The following EDARADD variants were observed in gnomAD, a reference collection of about 807,000 sequenced individuals.
EDARADD encodes the protein ectodysplasin-A receptor-associated adapter protein.
A neutral mutation model predicts 25.6 loss-of-function variants in EDARADD; 20 were observed. The observed-to-expected ratio is 0.78, with a 90% CI of 0.55 to 1.14. The LOEUF (loss-of-function observed/expected upper bound fraction) is 1.14, where lower values mean the gene tolerates loss of function less well. EDARADD is among the 50% of genes most tolerant of loss of function. The probability of loss-of-function intolerance (pLI) is 0.00; values close to 1 mark genes in which losing one functional copy is unlikely to be tolerated. For missense variants in EDARADD, 225 were observed against 270.1 expected, an observed-to-expected ratio of 0.83 and a Z score of 1.17; for synonymous variants, 86 against 94.4, an observed-to-expected ratio of 0.91 and a Z score of 0.52.
At chr1:236,452,524 G>A (rs1237525264) in intron 4 of EDARADD, among the ~76,000 whole-genome samples, 1 of 151,556 alleles carries the variant, frequency 6.6e-6, no homozygotes, top group Non-Finnish European at 1.5e-5. Flanking sequence ...CTTTCTTACT[G>A]CCATGTAAGA....
chr1:236,446,504 A>G (rs1441405607), intron 4 of EDARADD, among the ~76,000 whole-genome samples: 1 of 152,038 alleles, frequency 6.6e-6, no homozygotes, highest in Non-Finnish European at 1.5e-5. Flanking sequence ...GTGAGCCGAG[A>G]TCGCACCACT....
At position 236,482,451 on chromosome 1, in the gene EDARADD, T is replaced by C. The variant is rs369614195; in HGVS notation, c.450T>C (p.Tyr150=). Reference sequence around the variant, plus strand: ...TTGCAAGCAAATGGGGGATGTCCTATGACGAATTGTGCTTCCTGGAGCAGA... The same window carrying C: ...TTGCAAGCAAATGGGGGATGTCCTACGACGAATTGTGCTTCCTGGAGCAGA... ...RNFASKWGMS[Y]DELCFLEQRP... Residue 150 remains tyrosine, a synonymous_variant, in exon 6 of 6, where the codon TAT becomes TAC. Transcript: ENST00000334232. 3 of 1,614,098 alleles carry C rather than the reference T, an allele frequency of 1.9e-6. No homozygotes were observed. The highest frequency in any genetic ancestry group is 1.7e-6 in the Non-Finnish European group (2 of 1,180,058).
Position 236,484,376 on chromosome 1 carries a change from G to A in EDARADD, c.*1727G>A. On this transcript the variant is annotated 3_prime_UTR_variant, in exon 6 of 6. Coordinates refer to ENST00000334232, the MANE Select transcript of EDARADD (RefSeq NM_145861.4). This position sits in a 1 kb window ranked among gnomAD's most constrained non-coding sequence, Gnocchi z 4.1. ...GTGCCCCTTGCTGATCTGAGCGCTTGGCCAAGTACAACCAGCTCCTCAGAA... is the reference window on the plus strand; with the variant it reads ...GTGCCCCTTGCTGATCTGAGCGCTTAGCCAAGTACAACCAGCTCCTCAGAA... The A allele has an allele frequency of 6.3e-7, 1 of 1,588,502 alleles. No individual in the cohort carries two copies. The highest frequency in any genetic ancestry group is 8.6e-7 in the Non-Finnish European group (1 of 1,157,576).
intron 3 of EDARADD, among the ~76,000 whole-genome samples, chr1:236,368,984 A>G (rs772629261): frequency 2.0e-5 from 3 of 152,100 alleles, no homozygotes; most frequent in Non-Finnish European, 4.4e-5. Context: ...TTTTAGAGAC[A>G]GAGTCTTGCT....
chr1:236,475,277 A>G (rs1292295327), intron 5 of EDARADD, among the ~76,000 whole-genome samples: 1 of 152,222 alleles, frequency 6.6e-6, no homozygotes, highest in East Asian at 1.9e-4. Flanking sequence ...CCTTTCATGT[A>G]TAATATATAT....
intron 4 of EDARADD, among the ~76,000 whole-genome samples, chr1:236,455,882 C>T (rs530981363): frequency 3.3e-5 from 5 of 151,938 alleles, no homozygotes; most frequent in South Asian, 2.1e-4. Flanking sequence ...CTCTGCCTCC[C>T]GGGTTCACGC....
At position 236,445,234 on chromosome 1, in the gene EDARADD, C is replaced by CTTTTTTTTTTTTTTCTTT. The variant is rs61333307; in HGVS notation, c.219+17795_219+17796insTTTCTTTTTTTTTTTTTT. Among the ~76,000 whole-genome samples the CTTTTTTTTTTTTTTCTTT allele has an allele frequency of 2.2e-5, 2 of 89,698 alleles. 1 individual carries two copies. Among genetic ancestry groups the CTTTTTTTTTTTTTTCTTT allele is most frequent in the Non-Finnish European group, 4.8e-5 (2 of 41,736 alleles). The allele number at this position is 89,698 out of a possible 152,430, so 58.8% of individuals were successfully genotyped here. ...TGCATTAGCTGGGACATAATAAATT[C>CTTTTTTTTTTTTTTCTTT]TTTTTTTTTTTGAGACAGAGTCTTG... On this transcript the variant is annotated intron_variant, in intron 4 of 5. Transcript: ENST00000334232.
chr1:236,437,929 G>A (rs1658303547), intron 4 of EDARADD, among the ~76,000 whole-genome samples: 1 of 151,872 alleles, frequency 6.6e-6, no homozygotes, highest in South Asian at 2.1e-4. Context: ...TTGTATTTTT[G>A]TAGAGACGGG....
chr1:236,368,462 CAG>C (rs2102992984), intron 3 of EDARADD, among the ~76,000 whole-genome samples: 1 of 87,630 alleles, frequency 1.1e-5, no homozygotes, highest in African/African-American at 5.3e-5. Context: ...TTTTTTTTGA[CAG>C]AGTTTCACTC....
At chr1:236,428,614 A>G (rs1481936507) in intron 4 of EDARADD, among the ~76,000 whole-genome samples, 3 of 146,840 alleles carry the variant, frequency 2.0e-5, no homozygotes, top group African/African-American at 7.7e-5. Context: ...CATCCCAGAC[A>G]TGGGCGGCCG....
chr1:236,355,500 CTTTTTTTTTT>C (rs563976436), intron 3 of EDARADD, among the ~76,000 whole-genome samples: 8 of 73,142 alleles, frequency 1.1e-4, no homozygotes, highest in Admixed American at 2.5e-4. Context: ...GCTTCTTCTT[CTTTTTTTTTT>C]TTTTTTTTTT....
chr1:236,432,927 C>CAAA (rs537189248), intron 4 of EDARADD, among the ~76,000 whole-genome samples: 3,875 of 110,790 alleles, frequency 0.035, 177 homozygotes, highest in African/African-American at 0.12. Context: ...GCAAGACTCT[C>CAAA]AAAAAAAAAA....
intron 4 of EDARADD, among the ~76,000 whole-genome samples, chr1:236,447,168 C>CTTTCTTT (rs1558127337): frequency 8.9e-6 from 1 of 112,674 alleles, no homozygotes; most frequent in African/African-American, 3.6e-5. Flanking sequence ...CTCCCTCCCT[C>CTTTCTTT]CCTCTTTCTT....
chr1:236,360,544 T>G (rs113981214), intron 3 of EDARADD, among the ~76,000 whole-genome samples: 316 of 84,158 alleles, frequency 3.8e-3, no homozygotes, highest in African/African-American at 0.012. Flanking sequence ...ACGGTTTTTT[T>G]TTTTTTTTTT....
At chr1:236,361,927 G>T (rs1667056266) in intron 3 of EDARADD, among the ~76,000 whole-genome samples, 1 of 151,772 alleles carries the variant, frequency 6.6e-6, no homozygotes, top group Non-Finnish European at 1.5e-5. Context: ...AAATATTTAG[G>T]CATGGAATGC....
At chr1:236,412,027 C>T (rs1657500746) in intron 2 of EDARADD, among the ~76,000 whole-genome samples, 2 of 152,150 alleles carry the variant, frequency 1.3e-5, no homozygotes, top group South Asian at 4.1e-4. Context: ...ACAGTATTCC[C>T]GCTGGGTACA....
At position 236,421,329 on chromosome 1, in the gene EDARADD, T is replaced by C. The variant is rs573224311; in HGVS notation, c.161-6063T>C. Among the ~76,000 whole-genome samples the C allele has an allele frequency of 2.1e-5, 3 of 145,334 alleles. No individual in the cohort carries two copies. In the South Asian group the frequency reaches 7.1e-4, roughly 34 times the overall value. On this transcript the variant is annotated intron_variant, in intron 3 of 5. Coordinates refer to ENST00000334232, the MANE Select transcript of EDARADD (RefSeq NM_145861.4). ...CAGGATGTGATTGGCTTGTTTGAGTTAAGTCCATGGAATCAGGGGAAATGA... is the reference window on the plus strand; with the variant it reads ...CAGGATGTGATTGGCTTGTTTGAGTCAAGTCCATGGAATCAGGGGAAATGA...
chr1:236,381,303 ATTTTTATTTTTATTTTATTTTAT>A (rs1354168618), intron 3 of EDARADD, among the ~76,000 whole-genome samples: 2 of 151,670 alleles, frequency 1.3e-5, no homozygotes, highest in Non-Finnish European at 2.9e-5. Flanking sequence ...TACACCATTC[ATTTTTATTTTTATTTTATTTTAT>A]TTTTTATTTT....
chr1:236,474,961 C>T (rs966071702), intron 5 of EDARADD, among the ~76,000 whole-genome samples: 4 of 152,014 alleles, frequency 2.6e-5, no homozygotes, highest in Admixed American at 6.6e-5. Flanking sequence ...GGTGAAACCT[C>T]GTCTCTATTA....
Sources: allele counts gnomAD v4.1 joint callset (sites outside exome capture counted in the v4.1 genomes callset), GRCh38; gene constraint gnomAD v4.1.1; non-coding constraint Gnocchi (gnomAD v3.1); transcripts MANE v1.5; gene names NCBI Gene and HGNC (gene_info 2026-07-23, HGNC 2026-07-21).